Variants in CLIP4 observed in about 807,000 individuals in gnomAD.
CLIP4 encodes CAP-Gly domain-containing linker protein 4.
Under a neutral mutation model 73.1 loss-of-function variants are expected in CLIP4, and 47 were observed. The observed-to-expected ratio is 0.64, with a 90% CI of 0.51 to 0.82. The LOEUF is 0.82. CLIP4 is among the 40% of genes least tolerant of loss of function. The probability of loss-of-function intolerance (pLI) is 0.00; values close to 1 mark genes in which losing one functional copy is unlikely to be tolerated. For missense variants in CLIP4, 874 were observed against 852.9 expected, an observed-to-expected ratio of 1.02 and a Z score of -0.31; for synonymous variants, 306 against 295.4, an observed-to-expected ratio of 1.04 and a Z score of -0.37.
intron 1 of CLIP4, among the ~76,000 whole-genome samples, chr2:29,118,638 C>T (rs182076006): frequency 5.0e-4 from 76 of 151,916 alleles, no homozygotes; most frequent in African/African-American, 1.8e-3. Flanking sequence ...TCTGCCTCAG[C>T]CTCCTGAGTA....
intron 15 of CLIP4, among the ~76,000 whole-genome samples, chr2:29,179,271 CTA>C (rs143777354): frequency 0.029 from 4,472 of 152,242 alleles, 213 homozygotes; most frequent in African/African-American, 0.1. Context: ...ATAATTATGT[CTA>C]TTTTTCATTT....
chr2:29,120,354 G>C lies in CLIP4; in HGVS notation c.-15-1020G>C, dbSNP rs972310083. Among the ~76,000 whole-genome samples the C allele has an allele frequency of 5.3e-5, 8 of 152,144 alleles. No homozygotes were observed. In the East Asian group the frequency reaches 1.5e-3, roughly 29 times the overall value. On this transcript the variant is annotated intron_variant, in intron 1 of 15. Transcript: ENST00000320081. The stretch of plus-strand genomic sequence containing the variant: ...AAGACAACAGTGAGCTCAATGAAAT[G>C]ACTGTTTTATTGTAGTGGGGAACTG...
intron 9 of CLIP4, among the ~76,000 whole-genome samples, chr2:29,153,228 T>C (rs369416188): frequency 2.6e-4 from 40 of 152,114 alleles, no homozygotes; most frequent in African/African-American, 8.7e-4. Flanking sequence ...TCTTTATTGA[T>C]AGAGTCTCAC....
At chr2:29,178,424 A>T (rs923521821) in intron 15 of CLIP4, among the ~76,000 whole-genome samples, 1 of 151,842 alleles carries the variant, frequency 6.6e-6, no homozygotes, top group Non-Finnish European at 1.5e-5. Context: ...CAGGTGATCC[A>T]CCTGCCTCAG....
At chr2:29,133,893 TA>T (rs1321516276) in intron 5 of CLIP4, 77 bp downstream of exon 5, 345 of 1,273,832 alleles carry the variant, frequency 2.7e-4, no homozygotes, top group Non-Finnish European at 3.6e-4. Context: ...AATTCAAGGA[TA>T]TTTTTTCCTT....
intron 12 of CLIP4, among the ~76,000 whole-genome samples, chr2:29,160,931 C>A (rs1180125328): frequency 2.0e-5 from 3 of 152,092 alleles, no homozygotes; most frequent in Non-Finnish European, 4.4e-5. Flanking sequence ...TTTATATATT[C>A]ATTCCAATCT....
chr2:29,122,240 C>CTTTTTTTTTTTTTTTT (rs11359647), intron 2 of CLIP4, among the ~76,000 whole-genome samples: 1 of 135,274 alleles, frequency 7.4e-6, no homozygotes. Flanking sequence ...CTCCAAGTTT[C>CTTTTTTTTTTTTTTTT]TTTTTTTTTT....
At chr2:29,143,516 G>A (rs1665927597) in intron 6 of CLIP4, among the ~76,000 whole-genome samples, 193 bp from the exon 7 acceptor site, 1 of 151,986 alleles carries the variant, frequency 6.6e-6, no homozygotes, top group Non-Finnish European at 1.5e-5. Flanking sequence ...CTTGAGGGCA[G>A]GGCTTGTGTT....
intron 8 of CLIP4, among the ~76,000 whole-genome samples, chr2:29,150,576 C>A (rs1487266971): frequency 6.6e-6 from 1 of 151,446 alleles, no homozygotes; most frequent in Non-Finnish European, 1.5e-5. Context: ...TGCCTGCTGC[C>A]TGTATTCACA....
chr2:29,166,322 C>G (rs939182365), intron 13 of CLIP4, among the ~76,000 whole-genome samples: 1 of 152,044 alleles, frequency 6.6e-6, no homozygotes, highest in African/African-American at 2.4e-5. Flanking sequence ...CCTTTCCCCC[C>G]ACCCCTTTCT....
At position 29,160,945 on chromosome 2, in the gene CLIP4, C is replaced by T. The variant is rs991792931; in HGVS notation, c.1534+478C>T. Among the ~76,000 whole-genome samples the T allele has an allele frequency of 7.9e-5, 12 of 152,150 alleles. No individual in the cohort carries two copies. In the South Asian group the frequency reaches 1.7e-3, roughly 21 times the overall value. On this transcript the variant is annotated intron_variant, in intron 12 of 15. Coordinates refer to ENST00000320081, the MANE Select transcript of CLIP4 (RefSeq NM_024692.6). Reference sequence around the variant, plus strand: ...ATTTATATATTCATTCCAATCTATACGTAACATTGTTTCCAAAAGTAAAGA... The same window carrying T: ...ATTTATATATTCATTCCAATCTATATGTAACATTGTTTCCAAAAGTAAAGA...
intron 2 of CLIP4, among the ~76,000 whole-genome samples, chr2:29,122,803 G>A (rs190662357): frequency 5.1e-5 from 7 of 137,432 alleles, no homozygotes; most frequent in African/African-American, 1.9e-4. Flanking sequence ...TCCAGCCTGG[G>A]CCACAGAGTG....
At chr2:29,163,993 T>C (rs759241337) in intron 13 of CLIP4, 39 bp downstream of exon 13, 5 of 1,569,034 alleles carry the variant, frequency 3.2e-6, no homozygotes, top group African/African-American at 1.4e-5. Context: ...CAGAAACTTT[T>C]TGTAATCTGC....
At chr2:29,135,397 G>T in intron 5 of CLIP4, 151 bp from the exon 6 acceptor site, 1 of 435,928 alleles carries the variant, frequency 2.3e-6, no homozygotes, top group Non-Finnish European at 4.0e-6. Flanking sequence ...GTAATATAAA[G>T]ATTTTGTTCT....
rs1163266892 is a variant in CLIP4, at chr2:29,174,654, C to T, written c.1796+209C>T. 3 of 1,296,038 alleles carry T rather than the reference C, an allele frequency of 2.3e-6. No homozygotes were observed. The African/African-American group carries it at 4.6e-5, about 20-fold the overall frequency. 80.3% of individuals were successfully genotyped at this position (1,296,038 alleles called of 1,614,324 possible). On this transcript the variant is annotated intron_variant, in intron 15 of 15. Coordinates refer to ENST00000320081, the MANE Select transcript of CLIP4 (RefSeq NM_024692.6). Reference sequence around the variant, plus strand: ...ATGTCACCAGTGACTAAAACTAGTGCACTGCATATATTTTATCTTCATAGA... The same window carrying T: ...ATGTCACCAGTGACTAAAACTAGTGTACTGCATATATTTTATCTTCATAGA...
intron 8 of CLIP4, 128 bp from the exon 9 acceptor site, chr2:29,152,557 C>G: frequency 2.2e-6 from 2 of 900,942 alleles, no homozygotes; most frequent in South Asian, 2.1e-5. Flanking sequence ...TTTTTTTCCT[C>G]TCATCATAGG....
intron 2 of CLIP4, chr2:29,130,599 C>G (rs1664903970): frequency 1.4e-5 from 16 of 1,111,904 alleles, no homozygotes; most frequent in Non-Finnish European, 1.5e-5. Flanking sequence ...TTTGTCTTGG[C>G]TTCTATTTTG....
chr2:29,165,335 G>A (rs1397460017), intron 13 of CLIP4, among the ~76,000 whole-genome samples: 1 of 151,992 alleles, frequency 6.6e-6, no homozygotes, highest in Admixed American at 6.6e-5. Flanking sequence ...TACATGCTGG[G>A]GTCTGTTTGC....
intron 6 of CLIP4, among the ~76,000 whole-genome samples, chr2:29,136,931 G>A (rs1183371141): frequency 6.6e-6 from 1 of 151,256 alleles, no homozygotes; most frequent in Non-Finnish European, 1.5e-5. Flanking sequence ...TTAATAGGTT[G>A]CCATATTTTG....
Sources: allele counts gnomAD v4.1 joint callset (sites outside exome capture counted in the v4.1 genomes callset), GRCh38; gene constraint gnomAD v4.1.1; transcripts MANE v1.5; gene names NCBI Gene and HGNC (gene_info 2026-07-23, HGNC 2026-07-21).